The following ADAMTS3 variants were observed in gnomAD, a reference collection of about 807,000 sequenced individuals.
ADAMTS3 encodes ADAM metallopeptidase with thrombospondin type 1 motif 3, also known as A disintegrin and metalloproteinase with thrombospondin motifs 3.
A neutral mutation model predicts 129.0 loss-of-function variants in ADAMTS3; 73 were observed. That is an observed-to-expected ratio of 0.57 (90% CI 0.47 to 0.69). ADAMTS3 has a LOEUF of 0.69. ADAMTS3 is among the 30% of genes least tolerant of loss of function. The pLI is 0.00. For missense variants in ADAMTS3, 1,457 were observed against 1,514.5 expected (o/e 0.96, Z 0.63); for synonymous variants, 477 against 510.8 (o/e 0.93, Z 0.89).
At chr4:72,510,625 C>T (rs754667999) in intron 3 of ADAMTS3, among the ~76,000 whole-genome samples, 96 of 151,318 alleles carry the variant, frequency 6.3e-4, no homozygotes, top group Admixed American at 3.8e-3. Flanking sequence ...GACACCAAAA[C>T]ATAAAAAAAT....
In ADAMTS3 at chr4:72,514,837, T is replaced by C. The variant is rs188535000; in HGVS notation, c.504+33641A>G. Among the ~76,000 whole-genome samples the C allele has an allele frequency of 3.4e-3, 524 of 152,298 alleles. 5 individuals are homozygous for C. Among genetic ancestry groups the C allele is most frequent in the African/African-American group, 0.012 (508 of 41,554 alleles). On this transcript the variant is annotated intron_variant, in intron 3 of 21. Coordinates refer to ENST00000286657, the MANE Select transcript of ADAMTS3 (RefSeq NM_014243.3). Reference sequence around the variant, plus strand: ...AATATTTACAATCTTTTTTCCTTTTTTTTAATTATTATTATACTTTAAGTT... The same window carrying C: ...AATATTTACAATCTTTTTTCCTTTTCTTTAATTATTATTATACTTTAAGTT...
chr4:72,394,085 G>A (rs903313349), intron 4 of ADAMTS3, among the ~76,000 whole-genome samples: 4 of 152,116 alleles, frequency 2.6e-5, no homozygotes, highest in Non-Finnish European at 5.9e-5. Context: ...TCTCTAGACT[G>A]ACCCCACTCT....
intron 3 of ADAMTS3, among the ~76,000 whole-genome samples, chr4:72,518,323 G>T (rs1219975760): frequency 2.0e-5 from 3 of 152,184 alleles, no homozygotes; most frequent in African/African-American, 7.2e-5. Flanking sequence ...GTTGATATGG[G>T]GTGGAGAGTT....
At chr4:72,340,663 CAT>C (rs1720113457) in intron 4 of ADAMTS3, among the ~76,000 whole-genome samples, 1 of 152,058 alleles carries the variant, frequency 6.6e-6, no homozygotes, top group Non-Finnish European at 1.5e-5. Flanking sequence ...CATACACACA[CAT>C]ATACATACAA....
intron 3 of ADAMTS3, among the ~76,000 whole-genome samples, chr4:72,445,815 G>T (rs1718236309): frequency 6.6e-6 from 1 of 151,668 alleles, no homozygotes; most frequent in Admixed American, 6.6e-5. Context: ...GCTTTTGCTT[G>T]TGTTTATGAA....
intron 4 of ADAMTS3, among the ~76,000 whole-genome samples, chr4:72,372,017 C>T (rs1334340051): frequency 1.3e-5 from 2 of 151,954 alleles, no homozygotes; most frequent in Non-Finnish European, 2.9e-5. Context: ...CCACAATAGT[C>T]ATAAACCATA....
intron 2 of ADAMTS3, among the ~76,000 whole-genome samples, chr4:72,549,950 T>TAAAAA (rs34598767): frequency 7.9e-5 from 1 of 12,650 alleles, no homozygotes; most frequent in African/African-American, 5.0e-4. Context: ...GCAACAAGGG[T>TAAAAA]AAAAAAAAAA....
At chr4:72,378,843 A>T (rs187457790) in intron 4 of ADAMTS3, among the ~76,000 whole-genome samples, 1 of 152,284 alleles carries the variant, frequency 6.6e-6, no homozygotes, top group East Asian at 1.9e-4. Context: ...AGCTGAAATC[A>T]AGACGTCAGC....
intron 6 of ADAMTS3, 85 bp from the exon 7 acceptor site, chr4:72,320,955 A>T: frequency 1.4e-6 from 2 of 1,386,740 alleles, no homozygotes; most frequent in South Asian, 2.8e-5. Context: ...TGAATTTGGG[A>T]TTAAAGTATT....
intron 3 of ADAMTS3, among the ~76,000 whole-genome samples, chr4:72,464,457 T>C (rs369678067): frequency 1.3e-5 from 2 of 151,944 alleles, no homozygotes; most frequent in African/African-American, 4.8e-5. Context: ...TTCTTGGAGA[T>C]GTGGGGTGGG....
chr4:72,529,814 T>G (rs1318654137), intron 3 of ADAMTS3, among the ~76,000 whole-genome samples: 1 of 91,350 alleles, frequency 1.1e-5, no homozygotes, highest in African/African-American at 4.6e-5. Flanking sequence ...ATATTATATA[T>G]AATAATACAT....
intron 5 of ADAMTS3, among the ~76,000 whole-genome samples, chr4:72,329,847 G>A (rs534551591): frequency 1.3e-5 from 2 of 151,498 alleles, no homozygotes; most frequent in Non-Finnish European, 2.9e-5. Context: ...AGCAAGATTA[G>A]CTCTACAGCT....
intron 4 of ADAMTS3, among the ~76,000 whole-genome samples, chr4:72,413,915 C>T (rs1269328782): frequency 1.5e-5 from 2 of 130,988 alleles, no homozygotes; most frequent in African/African-American, 2.7e-5. Flanking sequence ...TCTTAAATTG[C>T]ACTATTCTGT....
chr4:72,510,074 TA>T (rs34361916), intron 3 of ADAMTS3, among the ~76,000 whole-genome samples: 92,956 of 145,212 alleles, frequency 0.64, 29,281 homozygotes, highest in African/African-American at 0.73. Flanking sequence ...CCCTTCATGA[TA>T]AAAAAAAAAA....
intron 4 of ADAMTS3, among the ~76,000 whole-genome samples, chr4:72,397,107 C>G (rs1173631206): frequency 1.3e-5 from 2 of 152,118 alleles, no homozygotes. Context: ...CTCTCTCACT[C>G]CTCTCTATAC....
chr4:72,537,765 AG>A (rs1721218303), intron 3 of ADAMTS3, among the ~76,000 whole-genome samples: 1 of 151,502 alleles, frequency 6.6e-6, no homozygotes, highest in Non-Finnish European at 1.5e-5. Context: ...GTCCATTCAA[AG>A]GAAAAGAAAA....
chr4:72,549,005 C>T, intron 2 of ADAMTS3, 121 bp from the exon 3 acceptor site: 2 of 803,166 alleles, frequency 2.5e-6, no homozygotes, highest in Non-Finnish European at 3.7e-6. Context: ...TATAGACATT[C>T]CTGAATCAGC....
intron 2 of ADAMTS3, among the ~76,000 whole-genome samples, chr4:72,561,420 G>A (rs927771051): frequency 5.3e-5 from 8 of 152,002 alleles, no homozygotes; most frequent in Non-Finnish European, 1.2e-4. Context: ...CAGGAGGATC[G>A]CCTGAGCTGG....
intron 11 of ADAMTS3, 24 bp from the exon 12 acceptor site, chr4:72,313,846 T>C (rs2109800280): frequency 4.3e-6 from 7 of 1,613,174 alleles, no homozygotes; most frequent in Non-Finnish European, 5.9e-6. Context: ...CAAAAGGTAA[T>C]TATTAAAATC....
Sources: allele counts gnomAD v4.1 joint callset (sites outside exome capture counted in the v4.1 genomes callset), GRCh38; gene constraint gnomAD v4.1.1; transcripts MANE v1.5; gene names NCBI Gene and HGNC (gene_info 2026-07-23, HGNC 2026-07-21).